The following LIPI variants were observed in gnomAD, a reference collection of about 807,000 sequenced individuals.
LIPI encodes the protein lipase I.
LIPI carries 59 observed loss-of-function variants against 50.6 expected under a neutral mutation model. The observed-to-expected ratio is 1.16, with a 90% CI of 0.94 to 1.45. The LOEUF (loss-of-function observed/expected upper bound fraction) is 1.45, where lower values mean the gene tolerates loss of function less well. Among genes scored for constraint, LIPI ranks in the 40% most tolerant of loss-of-function variants. The pLI is 0.00. For missense variants in LIPI, 586 were observed against 536.3 expected (o/e 1.09, Z -0.92); for synonymous variants, 203 against 178.2 (o/e 1.14, Z -1.11).
intron 1 of LIPI, among the ~76,000 whole-genome samples, chr21:14,203,479 A>G (rs1377155809): frequency 6.6e-6 from 1 of 152,186 alleles, no homozygotes; most frequent in East Asian, 1.9e-4. Context: ...TGTGGCACAT[A>G]TACACCATGG....
chr21:14,169,602 C>A (rs1366245462), intron 4 of LIPI, among the ~76,000 whole-genome samples: 2 of 152,172 alleles, frequency 1.3e-5, no homozygotes, highest in Non-Finnish European at 2.9e-5. Flanking sequence ...ACAATCTGCT[C>A]CTGAATGACT....
chr21:14,158,974 A>G (rs1442641690), intron 7 of LIPI, among the ~76,000 whole-genome samples: 1 of 151,562 alleles, frequency 6.6e-6, no homozygotes, highest in Non-Finnish European at 1.5e-5. Flanking sequence ...AAATTATTAA[A>G]TAAATTAAAT....
chr21:14,140,557 A>G (rs1470765648), intron 9 of LIPI, among the ~76,000 whole-genome samples: 3 of 151,918 alleles, frequency 2.0e-5, no homozygotes, highest in African/African-American at 7.2e-5. Context: ...GGCTTTCATT[A>G]TTGTGCAAAT....
At chr21:14,126,928 TTATA>T in intron 9 of LIPI, among the ~76,000 whole-genome samples, 1 of 152,294 alleles carries the variant, frequency 6.6e-6, no homozygotes, top group South Asian at 2.1e-4. Context: ...GGGGTGGTGA[TTATA>T]TAACTCTTTG....
intron 8 of LIPI, among the ~76,000 whole-genome samples, chr21:14,151,479 T>C (rs2018088779): frequency 6.6e-6 from 1 of 152,176 alleles, no homozygotes; most frequent in Admixed American, 6.6e-5. Context: ...CCCTAATGTG[T>C]TCAATAACCA....
chr21:14,128,542 G>T (rs560617506), intron 9 of LIPI, among the ~76,000 whole-genome samples: 61 of 152,084 alleles, frequency 4.0e-4, no homozygotes, highest in African/African-American at 1.1e-3. Context: ...TAATGTAGTA[G>T]ACACCAATTA....
chr21:14,129,793 TA>T (rs2017212404), intron 9 of LIPI, among the ~76,000 whole-genome samples: 4 of 138,028 alleles, frequency 2.9e-5, no homozygotes, highest in Non-Finnish European at 4.8e-5. Context: ...ATAATGACTC[TA>T]ATTGTTTTTT....
chr21:14,191,561 G>A (rs2019678139), intron 1 of LIPI, among the ~76,000 whole-genome samples: 1 of 151,852 alleles, frequency 6.6e-6, no homozygotes, highest in African/African-American at 2.4e-5. Flanking sequence ...GAGGTACACA[G>A]GCAATTTTAA....
At chr21:14,111,475 A>G (rs912857071) in intron 9 of LIPI, among the ~76,000 whole-genome samples, 3 of 152,084 alleles carry the variant, frequency 2.0e-5, no homozygotes, top group Non-Finnish European at 2.9e-5. Flanking sequence ...AGTTCCTTAT[A>G]TATCTTGGAG....
chr21:14,118,028 A>G (rs2016721159), intron 9 of LIPI, among the ~76,000 whole-genome samples: 1 of 151,728 alleles, frequency 6.6e-6, no homozygotes, highest in Non-Finnish European at 1.5e-5. Flanking sequence ...GACTAGAGAG[A>G]GATCAATGTG....
At chr21:14,196,280 A>G (rs1000682184) in intron 1 of LIPI, among the ~76,000 whole-genome samples, 1 of 152,178 alleles carries the variant, frequency 6.6e-6, no homozygotes, top group Non-Finnish European at 1.5e-5. Context: ...GATGAATCAC[A>G]AAAGCATTAT....
chr21:14,174,126 A>T (rs1264019525), intron 4 of LIPI, among the ~76,000 whole-genome samples: 1 of 152,166 alleles, frequency 6.6e-6, no homozygotes, highest in African/African-American at 2.4e-5. Context: ...CCTGCCACTG[A>T]AGGAGACTCA....
At chr21:14,148,919 T>C (rs2123079939) in intron 8 of LIPI, among the ~76,000 whole-genome samples, 1 of 152,358 alleles carries the variant, frequency 6.6e-6, no homozygotes, top group Admixed American at 6.5e-5. Flanking sequence ...TGAATAAAAT[T>C]AATCACTATT....
chr21:14,174,143 C>T (rs1479177172), intron 4 of LIPI, among the ~76,000 whole-genome samples: 1 of 152,120 alleles, frequency 6.6e-6, no homozygotes, highest in African/African-American at 2.4e-5. Context: ...CTCAAACCAA[C>T]AGGACTGCTT....
chr21:14,199,707 C>T (rs1397900328), intron 1 of LIPI, among the ~76,000 whole-genome samples: 3 of 151,686 alleles, frequency 2.0e-5, no homozygotes, highest in Non-Finnish European at 4.4e-5. Context: ...TGAAACTGTT[C>T]CAGAAAAAAT....
chr21:14,188,375 C>T (rs1035721912), intron 2 of LIPI, among the ~76,000 whole-genome samples: 1 of 151,956 alleles, frequency 6.6e-6, no homozygotes, highest in Non-Finnish European at 1.5e-5. Flanking sequence ...CGAGACCAGC[C>T]TGGCCAACAT....
chr21:14,149,654 A>C (rs1555851049), intron 8 of LIPI, among the ~76,000 whole-genome samples: 1 of 152,232 alleles, frequency 6.6e-6, no homozygotes, highest in Non-Finnish European at 1.5e-5. Flanking sequence ...TTGGGTAAAT[A>C]CACCCATTCC....
chr21:14,206,981 GAAGA>G (rs1280927011), intron 1 of LIPI: 2 of 1,181,712 alleles, frequency 1.7e-6, no homozygotes, highest in Non-Finnish European at 2.5e-6. Context: ...TAATAAGAAG[GAAGA>G]CCCTTTTGGG....
intron 7 of LIPI, among the ~76,000 whole-genome samples, chr21:14,154,135 T>C (rs2018194813): frequency 6.6e-6 from 1 of 150,396 alleles, no homozygotes; most frequent in Non-Finnish European, 1.5e-5. Flanking sequence ...AATCCAGACT[T>C]GACAAACCAC....
Sources: allele counts gnomAD v4.1 joint callset (sites outside exome capture counted in the v4.1 genomes callset), GRCh38; gene constraint gnomAD v4.1.1; transcripts MANE v1.5; gene names NCBI Gene and HGNC (gene_info 2026-07-23, HGNC 2026-07-21).